FILIP1: variants seen among roughly 807,000 people sequenced by gnomAD.
FILIP1 encodes filamin A interacting protein 1.
FILIP1 carries 61 observed loss-of-function variants against 102.1 expected under a neutral mutation model. The ratio of observed to expected loss-of-function variants is 0.60; its 90% confidence interval spans 0.49 to 0.74. The LOEUF (loss-of-function observed/expected upper bound fraction) is 0.74, where lower values mean the gene tolerates loss of function less well. Among genes scored for constraint, FILIP1 ranks in the 30% least tolerant of loss-of-function variants. FILIP1 has a pLI of 0.00. For synonymous variants in FILIP1, 491 were observed against 526.9 expected, an observed-to-expected ratio of 0.93 and a Z score of 0.93; for missense variants, 1,314 against 1,441.2, an observed-to-expected ratio of 0.91 and a Z score of 1.43.
chr6:75,303,381 AAAC>A (rs1772896624), downstream of FILIP1, among the ~76,000 whole-genome samples: 1 of 152,202 alleles, frequency 6.6e-6, no homozygotes, highest in Non-Finnish European at 1.5e-5. Context: ...GAGATGTGGG[AAAC>A]ATCAATCCTT....
intron 1 of FILIP1, among the ~76,000 whole-genome samples, chr6:75,420,372 C>A (rs1777416623): frequency 6.6e-6 from 1 of 151,746 alleles, no homozygotes; most frequent in South Asian, 2.1e-4. Flanking sequence ...AGCATGGAGT[C>A]TAAAAGAATG....
intron 2 of FILIP1, among the ~76,000 whole-genome samples, chr6:75,365,634 G>A (rs1479966544): frequency 6.6e-6 from 1 of 152,038 alleles, no homozygotes; most frequent in East Asian, 1.9e-4. Flanking sequence ...TGATCTGCCC[G>A]CCTCGGCCTC....
intron 4 of FILIP1, among the ~76,000 whole-genome samples, chr6:75,347,822 G>A (rs1012058432): frequency 1.3e-5 from 2 of 152,138 alleles, no homozygotes; most frequent in African/African-American, 4.8e-5. Context: ...CCAAAATGGG[G>A]CTTGAAAGCT....
intron 4 of FILIP1, among the ~76,000 whole-genome samples, chr6:75,351,007 G>T (rs1273265455): frequency 6.6e-6 from 1 of 152,102 alleles, no homozygotes; most frequent in African/African-American, 2.4e-5. Flanking sequence ...TGTCAACAAG[G>T]GACTGCATAT....
At chr6:75,393,938 C>T (rs1319695881) in intron 2 of FILIP1, among the ~76,000 whole-genome samples, 1 of 152,190 alleles carries the variant, frequency 6.6e-6, no homozygotes, top group Non-Finnish European at 1.5e-5. Context: ...CTTGGTTCTT[C>T]AGGCCTCCCA....
chr6:75,484,367 T>C (rs1257178332), intron 1 of FILIP1, among the ~76,000 whole-genome samples: 2 of 152,144 alleles, frequency 1.3e-5, no homozygotes, highest in African/African-American at 2.4e-5. Flanking sequence ...TTTAAAATGA[T>C]GAGGTGGCAC....
chr6:75,441,428 C>T (rs1279409454), intron 1 of FILIP1, among the ~76,000 whole-genome samples: 1 of 152,124 alleles, frequency 6.6e-6, no homozygotes, highest in Non-Finnish European at 1.5e-5. Flanking sequence ...CTTTTCCCCA[C>T]CTTTCCCCCC....
intron 1 of FILIP1, among the ~76,000 whole-genome samples, chr6:75,449,136 T>C (rs1778536528): frequency 6.6e-6 from 1 of 152,180 alleles, no homozygotes; most frequent in African/African-American, 2.4e-5. Flanking sequence ...CACCATGGAA[T>C]ACTACTCAGT....
chr6:75,370,743 AT>A (rs1775492935), intron 2 of FILIP1, among the ~76,000 whole-genome samples: 1 of 151,606 alleles, frequency 6.6e-6, no homozygotes, highest in Non-Finnish European at 1.5e-5. Context: ...CCCCGGGCTA[AT>A]TTTTGTATTT....
intron 4 of FILIP1, among the ~76,000 whole-genome samples, chr6:75,335,986 A>G (rs1251198885): frequency 6.6e-6 from 1 of 152,224 alleles, no homozygotes; most frequent in Non-Finnish European, 1.5e-5. Flanking sequence ...TTACAGGGTT[A>G]TAATCAAATA....
intron 1 of FILIP1, among the ~76,000 whole-genome samples, chr6:75,418,564 G>A (rs1253215985): frequency 6.6e-6 from 1 of 152,098 alleles, no homozygotes; most frequent in Non-Finnish European, 1.5e-5. Context: ...TGCTTACAAG[G>A]GTAGCAGGCA....
intron 1 of FILIP1, among the ~76,000 whole-genome samples, chr6:75,478,413 G>C (rs1009526596): frequency 6.6e-6 from 1 of 152,098 alleles, no homozygotes; most frequent in East Asian, 1.9e-4. Context: ...ACCTTCACTG[G>C]ACACCTCATA....
chr6:75,304,285 C>T (rs1310899124), downstream of FILIP1, among the ~76,000 whole-genome samples: 2 of 152,124 alleles, frequency 1.3e-5, no homozygotes, highest in Non-Finnish European at 2.9e-5. Flanking sequence ...CACTATCTCT[C>T]ACTGTGACCT....
intron 2 of FILIP1, among the ~76,000 whole-genome samples, chr6:75,369,407 A>C (rs1381015358): frequency 6.6e-6 from 1 of 152,218 alleles, no homozygotes; most frequent in African/African-American, 2.4e-5. Context: ...GATATTCCAT[A>C]ATATTCCTGT....
intron 2 of FILIP1, among the ~76,000 whole-genome samples, chr6:75,374,459 A>G (rs1032048537): frequency 2.0e-5 from 3 of 151,878 alleles, no homozygotes; most frequent in African/African-American, 7.3e-5. Flanking sequence ...GCTCACTGCA[A>G]CCTCCACCTC....
intron 2 of FILIP1, among the ~76,000 whole-genome samples, chr6:75,370,563 T>C (rs1483748080): frequency 6.7e-6 from 1 of 148,198 alleles, no homozygotes; most frequent in Non-Finnish European, 1.5e-5. Context: ...AATTTGGGAG[T>C]CTCTTCTTTT....
chr6:75,353,553 C>T lies in FILIP1; in HGVS notation c.615G>A (p.Glu205=), dbSNP rs777917622. The part of the protein sequence containing the change: ...NKSDDFTNLL[E]QERERLKKLL... ...GTGCACATTACCTCTCCCGCTCCTG[C>T]TCCAGCAGGTTGGTGAAGTCGTCGC... Residue 205 remains glutamate, a synonymous_variant, in exon 4 of 6, where the codon GAG becomes GAA. Transcript: ENST00000237172. 3 of 1,614,164 alleles carry T rather than the reference C, an allele frequency of 1.9e-6. No individual in the cohort carries two copies. The Admixed American group carries it at 5.0e-5, about 27-fold the overall frequency.
At chr6:75,359,154 C>T (rs561283034) in intron 3 of FILIP1, among the ~76,000 whole-genome samples, 17 of 152,114 alleles carry the variant, frequency 1.1e-4, no homozygotes, top group African/African-American at 1.7e-4. Context: ...TACAGGCACC[C>T]GCCACCACGC....
intron 1 of FILIP1, among the ~76,000 whole-genome samples, chr6:75,416,074 G>A (rs1185627020): frequency 6.6e-6 from 1 of 152,040 alleles, no homozygotes; most frequent in Non-Finnish European, 1.5e-5. Flanking sequence ...ACCATGAACA[G>A]CTAAGCAAAA....
Sources: gnomAD v4.1 joint callset for allele counts (sites outside exome capture counted in the v4.1 genomes callset) on GRCh38, gnomAD v4.1.1 for gene constraint, MANE v1.5 for transcripts, NCBI Gene and HGNC (gene_info 2026-07-23, HGNC 2026-07-21) for gene names.